CNDP2: variants seen among roughly 807,000 people sequenced by gnomAD.
CNDP2 encodes the protein cytosolic non-specific dipeptidase.
In CNDP2, 38 loss-of-function variants were observed where a neutral mutation model predicts 55.0. The ratio of observed to expected loss-of-function variants is 0.69; its 90% CI spans 0.53 to 0.90. CNDP2 has a LOEUF of 0.90. Ranked by LOEUF, CNDP2 falls within the 40% of genes least tolerant of loss-of-function variation. CNDP2 has a pLI of 0.00. For synonymous variants in CNDP2, 241 were observed against 260.2 expected (o/e 0.93, Z 0.71); for missense variants, 607 against 621.7 (o/e 0.98, Z 0.25).
chr18:74,513,186 G>A (rs998011327), intron 7 of CNDP2, among the ~76,000 whole-genome samples: 6 of 152,242 alleles, frequency 3.9e-5, no homozygotes, highest in African/African-American at 7.2e-5. Context: ...GTGGGGCTGC[G>A]TGAAGCCAGT....
chr18:74,517,010 C>T (rs889981885), intron 9 of CNDP2: 7 of 113,190 alleles, frequency 6.2e-5, no homozygotes, highest in East Asian at 3.4e-4. Flanking sequence ...CGATAGCTTA[C>T]GTGGCAGAAA....
intron 5 of CNDP2, 58 bp from the exon 6 acceptor site, chr18:74,510,755 C>A: frequency 7.0e-7 from 1 of 1,436,434 alleles, no homozygotes; most frequent in Non-Finnish European, 9.7e-7. Flanking sequence ...CTGAGTGTGG[C>A]TTCTAGAAGG....
In CNDP2 at chr18:74,512,609, A is replaced by C. The variant is rs915347686; in HGVS notation, c.742+77A>C. On this transcript the variant is annotated intron_variant, in intron 7 of 11. Transcript: ENST00000324262. ...GACTTCCAGGCTGTCTGTCATCAGC[A>C]TTGGGTGCATTTCAGCATTCCACAT... 7.9e-6 allele frequency: 10 copies of C among 1,263,504 alleles called. No individual in the cohort carries two copies. The African/African-American group carries it at 1.5e-4, about 19-fold the overall frequency. 78.3% of individuals were successfully genotyped at this position (1,263,504 alleles called of 1,614,324 possible).
chr18:74,519,176 G>C (rs748152558), intron 11 of CNDP2, 80 bp downstream of exon 11: 154 of 1,492,552 alleles, frequency 1.0e-4, no homozygotes, highest in Non-Finnish European at 1.3e-4. Context: ...CCCGTGTGCA[G>C]CTGCCAAGAG....
Position 74,521,952 on chromosome 18 carries a change from GC to G in CNDP2, c.*1885del, listed in dbSNP as rs1281199068. 2.0e-5 allele frequency: 3 copies of G among 152,320 alleles called. No individual in the cohort carries two copies. The allele number at this position is 152,320 out of a possible 1,614,324, so 9.4% of individuals were successfully genotyped here. A position where few individuals can be genotyped will look rare whatever the true frequency, so the allele number is the denominator to read the frequency against. ...CAGCAGTAATGACACGTCCACATCA[GC>G]ACCCCCAACACCACTCCCTGAGGAG... On this transcript the variant is annotated 3_prime_UTR_variant, in exon 12 of 12. Transcript: ENST00000324262.
At chr18:74,519,921 G>T in intron 11 of CNDP2, 78 bp from the exon 12 acceptor site, 1 of 1,324,162 alleles carries the variant, frequency 7.6e-7, no homozygotes, top group South Asian at 1.2e-5. Context: ...AGTGTGTCTG[G>T]GCTCGGGAGG....
In CNDP2 at chr18:74,501,328, GA is replaced by G. The variant is rs1978682925; in HGVS notation, c.63del (p.Lys21AsnfsTer24). The G allele has an allele frequency of 6.2e-7, 1 of 1,612,300 alleles. No homozygotes were observed. Among genetic ancestry groups the G allele is most frequent in the Non-Finnish European group, 8.5e-7 (1 of 1,179,302 alleles). On this transcript the variant is annotated frameshift_variant and splice_region_variant, in exon 3 of 12. Coordinates refer to ENST00000324262, the MANE Select transcript of CNDP2 (RefSeq NM_018235.3). LOFTEE classifies it high-confidence loss of function. ...CCTCGTTGCTTCTTGTCCACAAACA[GA>G]AACTCGCAAAATGGGTGGCTATCCA... ...IDENQDRYIK[K>X]LAKWVAIQSV...
intron 10 of CNDP2, 21 bp downstream of exon 10, chr18:74,518,661 AT>A: frequency 6.2e-7 from 1 of 1,613,756 alleles, no homozygotes; most frequent in East Asian, 2.2e-5. Flanking sequence ...CTCCTTGTGG[AT>A]GATGCCGCGC....
chr18:74,509,518 C>T (rs1979221099), intron 5 of CNDP2: 1 of 152,076 alleles, frequency 6.6e-6, no homozygotes, highest in African/African-American at 2.4e-5. Flanking sequence ...CCTGTAATCC[C>T]AGCTCCTGGG....
At chr18:74,512,730 A>C (rs865826107) in intron 7 of CNDP2, among the ~76,000 whole-genome samples, 198 bp downstream of exon 7, 12 of 150,648 alleles carry the variant, frequency 8.0e-5, no homozygotes, top group African/African-American at 2.7e-4. Context: ...TGCCCCTGAA[A>C]CCCTCCTGTG....
At chr18:74,500,452 G>C (rs920515301) in intron 2 of CNDP2, among the ~76,000 whole-genome samples, 2 of 152,188 alleles carry the variant, frequency 1.3e-5, no homozygotes, top group African/African-American at 4.8e-5. Flanking sequence ...TTATACTTTA[G>C]AAAATTTGGC....
chr18:74,505,755 A>G, intron 3 of CNDP2, 94 bp from the exon 4 acceptor site: 2 of 1,384,544 alleles, frequency 1.4e-6, no homozygotes, highest in Non-Finnish European at 2.0e-6. Flanking sequence ...ATAAGGACAG[A>G]TAAGGAAGCT....
At chr18:74,516,651 A>G (rs1979688037) in intron 9 of CNDP2, 1 of 449,754 alleles carries the variant, frequency 2.2e-6, no homozygotes, top group Admixed American at 4.0e-5. Context: ...TCCAGGCCAA[A>G]CACCAACTTT....
chr18:74,510,710 G>A (rs893297923), intron 5 of CNDP2, 103 bp from the exon 6 acceptor site: 3 of 1,040,414 alleles, frequency 2.9e-6, no homozygotes, highest in Non-Finnish European at 4.3e-6. Flanking sequence ...CATGTGGTCT[G>A]TCTGGAGAAT....
At chr18:74,503,350 G>A (rs1051948979) in intron 3 of CNDP2, among the ~76,000 whole-genome samples, 3 of 152,164 alleles carry the variant, frequency 2.0e-5, no homozygotes, top group Non-Finnish European at 2.9e-5. Context: ...TTCTCTTCCC[G>A]CATGTCCATG....
At chr18:74,519,125 G>A (rs1172439879) in intron 11 of CNDP2, 29 bp downstream of exon 11, 3 of 1,583,372 alleles carry the variant, frequency 1.9e-6, no homozygotes, top group Non-Finnish European at 2.6e-6. Context: ...GCCCAGGTTG[G>A]CGTCTCCTGC....
intron 11 of CNDP2, 150 bp downstream of exon 11, chr18:74,519,246 T>C: frequency 9.4e-7 from 1 of 1,066,444 alleles, no homozygotes; most frequent in Non-Finnish European, 1.3e-6. Context: ...AAGTGGGAAC[T>C]TCAGATGGGA....
rs1426505590 is a variant in CNDP2, at chr18:74,501,443, G to A, written c.175G>A (p.Val59Met). ...AADVKQLGGS[V>M]ELVDIGKQKL... ...AGATGTTAAGCAGTTGGGGGGCTCTGTGGAACTGGTGGATATCGGAAAACA... is the reference window on the plus strand; with the variant it reads ...AGATGTTAAGCAGTTGGGGGGCTCTATGGAACTGGTGGATATCGGAAAACA... Residue 59 changes from valine (V) to methionine (M), a missense_variant, in exon 3 of 12, where the codon GTG becomes ATG. By Grantham distance (21) the Val-to-Met change is conservative (BLOSUM62 1). Transcript: ENST00000324262. 1 of 1,613,846 alleles carries A rather than the reference G, an allele frequency of 6.2e-7. No individual in the cohort carries two copies. The highest frequency in any genetic ancestry group is 1.3e-5 in the African/African-American group (1 of 74,906).
intron 3 of CNDP2, chr18:74,504,854 G>A (rs1291308299): frequency 6.6e-6 from 1 of 152,222 alleles, no homozygotes; most frequent in African/African-American, 2.4e-5. Flanking sequence ...ATGGCCACAG[G>A]AGTTTTGCAC....
Sources: gnomAD v4.1 joint callset for allele counts (sites outside exome capture counted in the v4.1 genomes callset) on GRCh38, gnomAD v4.1.1 for gene constraint, MANE v1.5 for transcripts, NCBI Gene and HGNC (gene_info 2026-07-23, HGNC 2026-07-21) for gene names.